DLEC1: variants seen among roughly 807,000 people sequenced by gnomAD.
The protein encoded by DLEC1 is DLEC1 cilia and flagella associated protein, also known as deleted in lung and esophageal cancer protein 1.
In DLEC1, 146 loss-of-function variants were observed where a neutral mutation model predicts 198.1. The observed-to-expected ratio is 0.74, with a 90% confidence interval of 0.64 to 0.85. The LOEUF (loss-of-function observed/expected upper bound fraction) is 0.85, where lower values mean the gene tolerates loss of function less well. Among genes scored for constraint, DLEC1 ranks in the 40% least tolerant of loss-of-function variants. The pLI is 0.00. For synonymous variants in DLEC1, 897 were observed against 866.8 expected, an observed-to-expected ratio of 1.03 and a Z score of -0.61; for missense variants, 2,233 against 2,220.0, an observed-to-expected ratio of 1.01 and a Z score of -0.12.
chr3:38,059,690 T>A, intron 2 of DLEC1, 52 bp from the exon 3 acceptor site: 2 of 1,525,796 alleles, frequency 1.3e-6, no homozygotes, highest in Non-Finnish European at 1.8e-6. Flanking sequence ...TGTGGGTTCT[T>A]CAAAGTCAGT....
chr3:38,110,067 T>C, intron 22 of DLEC1, 32 bp from the exon 23 acceptor site: 5 of 1,610,642 alleles, frequency 3.1e-6, no homozygotes, highest in Non-Finnish European at 3.4e-6. Context: ...GTGTGTTACA[T>C]AGTACCAATG....
Position 38,085,447 on chromosome 3 carries a change from T to C in DLEC1, c.1435T>C (p.Leu479=). Residue 479 remains leucine (L), a splice_region_variant and synonymous_variant, in exon 8 of 37, where the codon TTG becomes CTG. Transcript: ENST00000308059. The stretch of plus-strand genomic sequence containing the variant: ...CCGGAGGCCGCCCCCCGTGCTGACA[T>C]GTGAGTGTGCACCGTAGCTTCCCAC... The part of the protein sequence containing the change: ...QARRPPPVLT[L]SPVLDCGYCL... 6.2e-7 allele frequency: 1 copy of C among 1,613,706 alleles called. No individual in the cohort carries two copies. The highest frequency in any genetic ancestry group is 8.5e-7 in the Non-Finnish European group (1 of 1,179,920).
chr3:38,070,776 C>T (rs1367328308), intron 6 of DLEC1, among the ~76,000 whole-genome samples: 3 of 152,122 alleles, frequency 2.0e-5, no homozygotes, highest in Non-Finnish European at 4.4e-5. Context: ...AGGCAAGGAC[C>T]GGCCATTTTC....
Position 38,045,472 on chromosome 3 carries a change from G to A in DLEC1, c.412-71G>A, listed in dbSNP as rs1292258883. 4.5e-6 allele frequency: 7 copies of A among 1,545,572 alleles called. No individual in the cohort carries two copies. In the South Asian group the frequency reaches 5.1e-5, roughly 11 times the overall value. On this transcript the variant is annotated intron_variant, in intron 1 of 36. Transcript: ENST00000308059. ...CACTGGAAGCCCTGATCCTGGGGTA[G>A]GGCTGAGTAAAGCTAAGTAATGGTA...
At chr3:38,114,314 G>A in intron 25 of DLEC1, 28 bp from the exon 26 acceptor site, 2 of 1,611,102 alleles carry the variant, frequency 1.2e-6, no homozygotes, top group Non-Finnish European at 1.7e-6. Flanking sequence ...GGTGACAGGA[G>A]TGACAAAGGG....
chr3:38,039,710 G>A (rs1700565261), intron 1 of DLEC1, 74 bp downstream of exon 1: 4 of 1,501,596 alleles, frequency 2.7e-6, no homozygotes, highest in Non-Finnish European at 3.6e-6. Context: ...GCACCTGCCA[G>A]GTGCCAGGCG....
intron 12 of DLEC1, 40 bp downstream of exon 12, chr3:38,093,807 T>C (rs1209336105): frequency 6.2e-7 from 1 of 1,607,062 alleles, no homozygotes; most frequent in Admixed American, 1.7e-5. Flanking sequence ...CCAACCCTTC[T>C]TCTTGCTTAC....
chr3:38,101,936 T>C (rs1282754251), intron 19 of DLEC1, among the ~76,000 whole-genome samples: 1 of 152,206 alleles, frequency 6.6e-6, no homozygotes, highest in African/African-American at 2.4e-5. Flanking sequence ...GACCTTGTAT[T>C]ATCAGAATGT....
At position 38,123,853 on chromosome 3, in the gene DLEC1, T is replaced by G. The variant is rs1700606035; in HGVS notation, c.*1441T>G. ...CTGTCTCCACCAAAAATACAAAAAT[T>G]AGCTGGGTGTGGTGGCAGACACCTA... On this transcript the variant is annotated 3_prime_UTR_variant, in exon 37 of 37. Coordinates refer to ENST00000308059, the MANE Select transcript of DLEC1 (RefSeq NM_007335.4). 6.6e-6 allele frequency: 1 copy of G among 151,592 alleles called. No homozygotes were observed. Among genetic ancestry groups the G allele is most frequent in the South Asian group, 2.1e-4 (1 of 4,798 alleles). The allele number at this position is 151,592 out of a possible 1,614,324, so 9.4% of individuals were successfully genotyped here.
chr3:38,064,758 C>T (rs529675999), intron 6 of DLEC1, among the ~76,000 whole-genome samples: 6 of 148,458 alleles, frequency 4.0e-5, no homozygotes, highest in African/African-American at 1.3e-4. Context: ...GGGGCAGAGG[C>T]GCTCCCCACA....
chr3:38,089,334 C>G (rs2125683054), intron 10 of DLEC1, among the ~76,000 whole-genome samples: 1 of 152,342 alleles, frequency 6.6e-6, no homozygotes, highest in Admixed American at 6.5e-5. Flanking sequence ...CCAGGGAATG[C>G]TGGTGTGCAG....
At chr3:38,093,800 A>G (rs780268492) in intron 12 of DLEC1, 33 bp downstream of exon 12, 3 of 1,608,008 alleles carry the variant, frequency 1.9e-6, no homozygotes, top group Non-Finnish European at 2.6e-6. Flanking sequence ...CCAATACCCA[A>G]CCCTTCTTCT....
At chr3:38,066,628 G>A (rs1224298587) in intron 6 of DLEC1, among the ~76,000 whole-genome samples, 1 of 152,188 alleles carries the variant, frequency 6.6e-6, no homozygotes, top group Non-Finnish European at 1.5e-5. Context: ...ATCAGGTCAA[G>A]ACCAAGCTTA....
chr3:38,048,865 TC>T (rs1357707984), intron 2 of DLEC1, among the ~76,000 whole-genome samples: 1 of 151,884 alleles, frequency 6.6e-6, no homozygotes, highest in Non-Finnish European at 1.5e-5. Flanking sequence ...TCTTCCTGTT[TC>T]CCCCTCCACC....
intron 27 of DLEC1, among the ~76,000 whole-genome samples, chr3:38,116,112 T>C (rs1426280327): frequency 6.6e-6 from 1 of 151,822 alleles, no homozygotes; most frequent in Admixed American, 6.6e-5. Flanking sequence ...AGGAAGGGCA[T>C]GTGGGGGTTA....
Position 38,093,754 on chromosome 3 carries a change from A to G in DLEC1, c.1906A>G (p.Ile636Val). Residue 636 changes from isoleucine to valine, a missense_variant, in exon 12 of 37, where the codon ATT becomes GTT. Coordinates refer to ENST00000308059, the MANE Select transcript of DLEC1 (RefSeq NM_007335.4). Reference protein sequence around the residue: ...LRSTARKQLIIRNATHVELAF... With the variant: ...LRSTARKQLIVRNATHVELAF... ...GTCCACGGCTAGGAAGCAGCTGATT[A>G]TTAGAAATGCTACGTGGGTAACCCC... 2 of 1,614,166 alleles carry G rather than the reference A, an allele frequency of 1.2e-6. No individual in the cohort carries two copies. Among genetic ancestry groups the G allele is most frequent in the Non-Finnish European group, 1.7e-6 (2 of 1,180,030 alleles).
At chr3:38,088,456 T>C in intron 10 of DLEC1, 68 bp downstream of exon 10, 2 of 1,463,178 alleles carry the variant, frequency 1.4e-6, no homozygotes, top group South Asian at 1.2e-5. Flanking sequence ...TCTGTTTTCA[T>C]GACTCAAGTG....
intron 15 of DLEC1, 139 bp downstream of exon 15, chr3:38,096,876 C>T (rs1029838160): frequency 3.8e-6 from 4 of 1,051,408 alleles, no homozygotes; most frequent in Non-Finnish European, 4.1e-6. Flanking sequence ...GCTTTGAACC[C>T]AACTTGACTT....
chr3:38,120,252 T>C (rs1159099991), intron 33 of DLEC1, among the ~76,000 whole-genome samples, 196 bp from the exon 34 acceptor site: 1 of 152,188 alleles, frequency 6.6e-6, no homozygotes, highest in Non-Finnish European at 1.5e-5. Context: ...ACATGACTTG[T>C]CCCTGACACT....
Sources: allele counts gnomAD v4.1 joint callset (sites outside exome capture counted in the v4.1 genomes callset), GRCh38; gene constraint gnomAD v4.1.1; transcripts MANE v1.5; gene names NCBI Gene and HGNC (gene_info 2026-07-23, HGNC 2026-07-21).